The following ATP11B variants were observed in gnomAD, a reference collection of about 807,000 sequenced individuals.
The protein encoded by ATP11B is ATPase phospholipid transporting 11B (putative).
In ATP11B, 81 loss-of-function variants were observed where a neutral mutation model predicts 157.8. The observed-to-expected ratio is 0.51, with a 90% CI of 0.43 to 0.62. ATP11B has a LOEUF of 0.62. Ranked by LOEUF, ATP11B falls within the 20% of genes least tolerant of loss-of-function variation. The pLI, the probability that ATP11B is intolerant of heterozygous loss-of-function variation, is 0.00. For synonymous variants in ATP11B, 451 were observed against 469.4 expected, an observed-to-expected ratio of 0.96 and a Z score of 0.51; for missense variants, 1,165 against 1,402.2, an observed-to-expected ratio of 0.83 and a Z score of 2.70.
At chr3:182,914,961 G>A in intron 29 of ATP11B, 1 of 985,296 alleles carries the variant, frequency 1.0e-6, no homozygotes, top group East Asian at 1.1e-4. Flanking sequence ...TCCCAAATGT[G>A]CTACATGAAT....
rs1187955799 is a variant in ATP11B at position 182,898,704 on chromosome 3, C to G, written c.3250C>G (p.Leu1084Val). 2.4e-5 allele frequency: 38 copies of G among 1,600,660 alleles called. No individual in the cohort carries two copies. Among genetic ancestry groups the G allele is most frequent in the Non-Finnish European group, 3.2e-5 (37 of 1,173,594 alleles). Residue 1084 changes from leucine to valine, a missense_variant, in exon 28 of 30, where the codon CTA becomes GTA. Transcript: ENST00000323116. ...CATAATCCTCATGGTTGTTACATGT[C>G]TATTTCTTGATATCATAAAGAAGGT... ...FAIILMVVTC[L>V]FLDIIKKVFD...
intron 7 of ATP11B, 66 bp from the exon 8 acceptor site, chr3:182,842,009 G>A: frequency 9.7e-7 from 1 of 1,032,518 alleles, no homozygotes; most frequent in South Asian, 1.5e-5. Context: ...AAAGGATGGT[G>A]CAAAAAAACA....
At chr3:182,879,128 C>G (rs959752166) in intron 19 of ATP11B, among the ~76,000 whole-genome samples, 1 of 152,020 alleles carries the variant, frequency 6.6e-6, no homozygotes, top group African/African-American at 2.4e-5. Context: ...CAAAAATTAG[C>G]CAATCATAGT....
At position 182,899,150 on chromosome 3, in the gene ATP11B, A is replaced by AT. The variant is rs34492261; in HGVS notation, c.3318+399dup. 3.0e-3 allele frequency among the ~76,000 whole-genome samples: 380 copies of AT among 128,320 alleles called. 1 individual carries two copies. The highest frequency in any genetic ancestry group is 8.5e-3 in the Middle Eastern group (2 of 234). 84.2% of individuals were successfully genotyped at this position (128,320 alleles called of 152,430 possible). On this transcript the variant is annotated intron_variant, in intron 28 of 29. Coordinates refer to ENST00000323116, the MANE Select transcript of ATP11B (RefSeq NM_014616.3). Reference sequence around the variant, plus strand: ...CTTTAGAAACATCAGAATTTGAGTAATTTTTTTTTTTTTTTTTTTTTCCGA... The same window carrying AT: ...CTTTAGAAACATCAGAATTTGAGTAATTTTTTTTTTTTTTTTTTTTTTCCGA...
intron 4 of ATP11B, 199 bp downstream of exon 4, chr3:182,829,951 A>G (rs1427201203): frequency 2.0e-6 from 2 of 985,148 alleles, no homozygotes; most frequent in Non-Finnish European, 2.4e-6. Flanking sequence ...AATGATTAAC[A>G]TCGTTAAAAT....
intron 1 of ATP11B, among the ~76,000 whole-genome samples, chr3:182,809,038 C>A (rs1716496047): frequency 6.6e-6 from 1 of 151,714 alleles, no homozygotes; most frequent in South Asian, 2.1e-4. Flanking sequence ...GTTGGCAACC[C>A]TATGCCAGTT....
At chr3:182,857,421 A>G (rs1397367965) in intron 10 of ATP11B, among the ~76,000 whole-genome samples, 5 of 152,214 alleles carry the variant, frequency 3.3e-5, no homozygotes, top group Non-Finnish European at 5.9e-5. Context: ...TGCTGGGATT[A>G]CAGGCGTAGT....
At chr3:182,868,036 A>G (rs1268576728) in intron 15 of ATP11B, among the ~76,000 whole-genome samples, 1 of 152,210 alleles carries the variant, frequency 6.6e-6, no homozygotes, top group African/African-American at 2.4e-5. Flanking sequence ...CATCATAGTT[A>G]TAACAATAGT....
chr3:182,847,759 A>G (rs151323278), intron 9 of ATP11B, among the ~76,000 whole-genome samples: 171 of 152,268 alleles, frequency 1.1e-3, no homozygotes, highest in African/African-American at 4.0e-3. Context: ...CCATTTAAAG[A>G]TGGGAAGATT....
At chr3:182,895,112 CAAAAAAAAAAAAAA>C (rs368282275) in intron 25 of ATP11B, among the ~76,000 whole-genome samples, 1 of 68,270 alleles carries the variant, frequency 1.5e-5, no homozygotes, top group African/African-American at 5.8e-5. Context: ...GACCCTGACT[CAAAAAAAAAAAAAA>C]AAAAAAAAAA....
chr3:182,918,672 G>A lies in ATP11B; in HGVS notation c.*568G>A, dbSNP rs1021761827. The A allele has an allele frequency of 2.1e-5, 6 of 287,184 alleles. No homozygotes were observed. The highest frequency in any genetic ancestry group is 3.8e-5 in the Non-Finnish European group (6 of 156,888). The allele number at this position is 287,184 out of a possible 1,614,324, so 17.8% of individuals were successfully genotyped here. ...TCTGAGTTCACAGAGCAAATTAGGA[G>A]AATCATTTCCAACCATTATTTACTG... On this transcript the variant is annotated 3_prime_UTR_variant, in exon 30 of 30. Transcript: ENST00000323116.
chr3:182,849,885 C>T (rs1274612530), intron 10 of ATP11B, among the ~76,000 whole-genome samples: 2 of 151,992 alleles, frequency 1.3e-5, no homozygotes, highest in African/African-American at 2.4e-5. Flanking sequence ...CTTCAGCCTA[C>T]GCTACCAAGA....
rs1167885311 is a variant in ATP11B at position 182,845,014 on chromosome 3, TTA to T, written c.705-442_705-441del. ...TTTTTATTTTTTTTTTTATTTTTTT[TTA>T]TTTTTGAGATGGAGTCTCACTCTTG... On this transcript the variant is annotated intron_variant, in intron 8 of 29. Coordinates refer to ENST00000323116, the MANE Select transcript of ATP11B (RefSeq NM_014616.3). Among the ~76,000 whole-genome samples the T allele has an allele frequency of 5.3e-3, 722 of 136,052 alleles. 16 individuals carry two copies. Among genetic ancestry groups the T allele is most frequent in the African/African-American group, 0.021 (671 of 31,966 alleles). The allele number at this position is 136,052 out of a possible 152,430, so 89.3% of individuals were successfully genotyped here. A position where few individuals can be genotyped will look rare whatever the true frequency, so the allele number is the denominator to read the frequency against.
At chr3:182,867,221 T>C (rs977210473) in intron 14 of ATP11B, among the ~76,000 whole-genome samples, 155 bp from the exon 15 acceptor site, 1 of 148,856 alleles carries the variant, frequency 6.7e-6, no homozygotes. Context: ...GAGCCACCAC[T>C]CCTGGCACCA....
At chr3:182,844,015 A>G (rs34876428) in intron 8 of ATP11B, 2 of 152,204 alleles carry the variant, frequency 1.3e-5, no homozygotes, top group African/African-American at 2.4e-5. Flanking sequence ...GTGTGGATAC[A>G]TAGTCTGAGT....
At chr3:182,814,868 G>A (rs1056714591) in intron 1 of ATP11B, among the ~76,000 whole-genome samples, 1 of 152,142 alleles carries the variant, frequency 6.6e-6, no homozygotes, top group African/African-American at 2.4e-5. Context: ...AGAATTCAGT[G>A]TAATGAAATC....
At chr3:182,796,699 AG>A (rs1362827593) in intron 1 of ATP11B, among the ~76,000 whole-genome samples, 1 of 152,232 alleles carries the variant, frequency 6.6e-6, no homozygotes, top group African/African-American at 2.4e-5. Flanking sequence ...AATGTTGGTC[AG>A]GGTCACACAT....
chr3:182,846,857 A>G (rs1719572077), intron 9 of ATP11B, among the ~76,000 whole-genome samples: 1 of 152,136 alleles, frequency 6.6e-6, no homozygotes, highest in African/African-American at 2.4e-5. Flanking sequence ...TAATGGGTAC[A>G]GGGTTTTCTT....
chr3:182,818,550 A>G (rs1236792538), intron 1 of ATP11B, among the ~76,000 whole-genome samples: 2 of 152,208 alleles, frequency 1.3e-5, no homozygotes, highest in African/African-American at 4.8e-5. Context: ...CATGTTTGTT[A>G]TGATGCATAC....
Sources: allele counts gnomAD v4.1 joint callset (sites outside exome capture counted in the v4.1 genomes callset), GRCh38; gene constraint gnomAD v4.1.1; transcripts MANE v1.5; gene names NCBI Gene and HGNC (gene_info 2026-07-23, HGNC 2026-07-21).